NRXN3: variants seen among roughly 807,000 people sequenced by gnomAD.
NRXN3 encodes neurexin III.
A neutral mutation model predicts 137.6 loss-of-function variants in NRXN3; 32 were observed. That is an observed-to-expected ratio of 0.23 (90% CI 0.18 to 0.31). NRXN3 has a LOEUF of 0.31. Among genes scored for constraint, NRXN3 ranks in the 10% least tolerant of loss-of-function variants. NRXN3 has a pLI of 1.00. For synonymous variants in NRXN3, 798 were observed against 784.5 expected (o/e 1.02, Z -0.29); for missense variants, 1,574 against 2,062.5 (o/e 0.76, Z 4.59).
intron 8 of NRXN3, among the ~76,000 whole-genome samples, chr14:78,801,651 C>CAGAG (rs2098839479): frequency 6.6e-6 from 1 of 152,186 alleles, no homozygotes. Context: ...GGTGGGGACA[C>CAGAG]AGAGCCAAAC....
At chr14:79,740,389 G>C (rs1205847198) in intron 19 of NRXN3, among the ~76,000 whole-genome samples, 1 of 151,802 alleles carries the variant, frequency 6.6e-6, no homozygotes, top group Non-Finnish European at 1.5e-5. Context: ...TGACTCCTGG[G>C]GGGCCTGCAG....
In NRXN3 at chr14:79,034,349, T is replaced by TACACACACAC. The variant is rs56226324; in HGVS notation, c.3262+46228_3262+46237dup. Among the ~76,000 whole-genome samples the TACACACACAC allele has an allele frequency of 6.5e-3, 939 of 144,508 alleles. 11 individuals carry two copies. The highest frequency in any genetic ancestry group is 0.023 in the African/African-American group (859 of 38,010). 94.8% of individuals were successfully genotyped at this position (144,508 alleles called of 152,430 possible). On this transcript the variant is annotated intron_variant, in intron 15 of 20. Transcript: ENST00000335750. The stretch of plus-strand genomic sequence containing the variant: ...TACTATAATTATGGTTCTTATTTCT[T>TACACACACAC]ACACACACACACACACACACACACA...
At position 78,592,565 on chromosome 14, in the gene NRXN3, C is replaced by T. The variant is rs566228313; in HGVS notation, c.758-52555C>T. On this transcript the variant is annotated intron_variant, in intron 4 of 20. Coordinates refer to ENST00000335750, the MANE Select transcript of NRXN3 (RefSeq NM_001330195.2). Reference sequence around the variant, plus strand: ...CTGGATATATCAACTGAGGGATGAACGGTGAGAGAATATAATTGTCTAAGG... The same window carrying T: ...CTGGATATATCAACTGAGGGATGAATGGTGAGAGAATATAATTGTCTAAGG... Among the ~76,000 whole-genome samples, 39 of 152,224 alleles carry T rather than the reference C, an allele frequency of 2.6e-4. No individual in the cohort carries two copies. The South Asian group carries it at 6.0e-3, about 24-fold the overall frequency.
intron 14 of NRXN3, among the ~76,000 whole-genome samples, chr14:78,980,812 C>T (rs755236886): frequency 2.6e-5 from 4 of 152,168 alleles, no homozygotes; most frequent in Non-Finnish European, 5.9e-5. Context: ...TTCAGTCTTT[C>T]CAGACACATT....
chr14:78,489,820 G>A (rs1291335541), intron 4 of NRXN3, among the ~76,000 whole-genome samples: 1 of 152,038 alleles, frequency 6.6e-6, no homozygotes, highest in Non-Finnish European at 1.5e-5. Context: ...GCAATCAGGA[G>A]GTGCTGTCCA....
intron 16 of NRXN3, among the ~76,000 whole-genome samples, chr14:79,521,765 G>T (rs2097067525): frequency 6.6e-6 from 1 of 151,960 alleles, no homozygotes; most frequent in Non-Finnish European, 1.5e-5. Flanking sequence ...TTCCCATTAG[G>T]TTAGACATAG....
chr14:78,373,854 C>G (rs1381488597), intron 4 of NRXN3, among the ~76,000 whole-genome samples: 1 of 152,180 alleles, frequency 6.6e-6, no homozygotes, highest in Non-Finnish European at 1.5e-5. Context: ...AAAAAAAGAC[C>G]TGTCTGTAAT....
At chr14:79,353,621 G>C (rs566522893) in intron 15 of NRXN3, among the ~76,000 whole-genome samples, 1 of 152,112 alleles carries the variant, frequency 6.6e-6, no homozygotes, top group South Asian at 2.1e-4. Flanking sequence ...ATGAAATATT[G>C]CTGTTACTAA....
intron 20 of NRXN3, among the ~76,000 whole-genome samples, chr14:79,824,523 G>A (rs999089343): frequency 6.6e-6 from 1 of 152,114 alleles, no homozygotes; most frequent in African/African-American, 2.4e-5. Context: ...AAAGCCCTCA[G>A]AAAAGCAATT....
rs144846525 is a variant in NRXN3, at chr14:79,390,177, C to T, written c.3263-77044C>T. ...CTAAGAATACAAAAAATTAGGCGGG[C>T]GCGGTGGCGGGCACCTGTAGTCCCA... On this transcript the variant is annotated intron_variant, in intron 15 of 20. Coordinates refer to ENST00000335750, the MANE Select transcript of NRXN3 (RefSeq NM_001330195.2). Among the ~76,000 whole-genome samples, 560 of 152,038 alleles carry T rather than the reference C, an allele frequency of 3.7e-3. 25 individuals carry two copies. The East Asian group carries it at 0.091, about 25-fold the overall frequency.
At chr14:79,838,981 C>A (rs188009266) in intron 20 of NRXN3, among the ~76,000 whole-genome samples, 3 of 152,158 alleles carry the variant, frequency 2.0e-5, no homozygotes, top group Non-Finnish European at 4.4e-5. Context: ...TAGAATTGGG[C>A]AACACCTTGT....
chr14:78,226,691 T>C (rs2064718055), intron 1 of NRXN3, among the ~76,000 whole-genome samples: 2 of 152,218 alleles, frequency 1.3e-5, no homozygotes, highest in Admixed American at 1.3e-4. Flanking sequence ...GCCATGCTGA[T>C]AGAATAATTT....
rs2099043708 is a variant in NRXN3, at chr14:79,762,950, T to C, written c.4015-42162T>C. 5.9e-5 allele frequency among the ~76,000 whole-genome samples: 9 copies of C among 151,712 alleles called. No individual in the cohort carries two copies. The South Asian group carries it at 1.9e-3, about 31-fold the overall frequency. Reference sequence around the variant, plus strand: ...TTGTTACATAGGTATACACGTGCCATGGTAGTTTGCTGCACTCACCAACCT... The same window carrying C: ...TTGTTACATAGGTATACACGTGCCACGGTAGTTTGCTGCACTCACCAACCT... On this transcript the variant is annotated intron_variant, in intron 19 of 20. Coordinates refer to ENST00000335750, the MANE Select transcript of NRXN3 (RefSeq NM_001330195.2).
chr14:78,873,042 A>G (rs2099105205), intron 10 of NRXN3, among the ~76,000 whole-genome samples: 1 of 152,016 alleles, frequency 6.6e-6, no homozygotes, highest in Non-Finnish European at 1.5e-5. Flanking sequence ...GCTTTTAGTC[A>G]CTCCATCTGT....
intron 16 of NRXN3, among the ~76,000 whole-genome samples, chr14:79,471,890 T>A (rs1316925633): frequency 2.0e-5 from 3 of 152,142 alleles, no homozygotes; most frequent in African/African-American, 7.2e-5. Flanking sequence ...GCTTGTTACA[T>A]AGGTAAACTC....
chr14:78,559,889 A>G (rs2096771393), intron 4 of NRXN3, among the ~76,000 whole-genome samples: 1 of 152,226 alleles, frequency 6.6e-6, no homozygotes, highest in African/African-American at 2.4e-5. Context: ...ATGACAACTA[A>G]CATTGTTTTG....
intron 6 of NRXN3, among the ~76,000 whole-genome samples, chr14:78,697,224 A>G (rs1474497783): frequency 6.6e-6 from 1 of 151,996 alleles, no homozygotes. Context: ...AGTGATAATG[A>G]ATTTGGGACC....
intron 15 of NRXN3, among the ~76,000 whole-genome samples, chr14:79,096,463 A>G (rs370340122): frequency 1.1e-4 from 16 of 152,178 alleles, no homozygotes; most frequent in Admixed American, 2.0e-4. Flanking sequence ...ACTAGCATGC[A>G]GGTAATAATT....
At chr14:78,470,715 AGAAG>A (rs140804123) in intron 4 of NRXN3, among the ~76,000 whole-genome samples, 3,274 of 152,268 alleles carry the variant, frequency 0.022, 110 homozygotes, top group African/African-American at 0.071. Context: ...GAGGAAATAA[AGAAG>A]AGATATTTGT....
Sources: gnomAD v4.1 joint callset for allele counts (sites outside exome capture counted in the v4.1 genomes callset) on GRCh38, gnomAD v4.1.1 for gene constraint, MANE v1.5 for transcripts, NCBI Gene and HGNC (gene_info 2026-07-23, HGNC 2026-07-21) for gene names.